The following EEIG2 variants were observed in gnomAD, a reference collection of about 807,000 sequenced individuals.
EEIG2 encodes family with sequence similarity 102 member B.
the EEIG2 span, among the ~76,000 whole-genome samples, chr1:108,602,825 G>A: frequency 1.3e-5 from 2 of 151,900 alleles, no homozygotes; most frequent in Non-Finnish European, 2.9e-5. Context: ...AGTGAGCCAT[G>A]ATCATGCCAC....
chr1:108,579,243 A>T, the EEIG2 span, among the ~76,000 whole-genome samples: 4 of 51,618 alleles, frequency 7.7e-5, no homozygotes, highest in East Asian at 1.7e-3. Flanking sequence ...GGATGGAGGA[A>T]GATCTACCAA....
chr1:108,606,382 G>A, the EEIG2 span: 1 of 487,886 alleles, frequency 2.0e-6, no homozygotes, highest in Non-Finnish European at 3.6e-6. Flanking sequence ...GCAACTTGGA[G>A]ATTGAACAGT....
chr1:108,572,617 A>G, the EEIG2 span, among the ~76,000 whole-genome samples: 1 of 151,516 alleles, frequency 6.6e-6, no homozygotes, highest in Admixed American at 6.6e-5. Flanking sequence ...GATTTATTTT[A>G]TTTTATTTTA....
At chr1:108,629,085 C>T in the EEIG2 span, among the ~76,000 whole-genome samples, 1 of 152,264 alleles carries the variant, frequency 6.6e-6, no homozygotes, top group Non-Finnish European at 1.5e-5. Context: ...CGTTCGTATA[C>T]CTAATGATAG....
the EEIG2 span, chr1:108,627,997 C>T: frequency 1.7e-6 from 1 of 583,004 alleles, no homozygotes; most frequent in Non-Finnish European, 3.1e-6. Flanking sequence ...CTTTGTATAT[C>T]TTGCAATACA....
chr1:108,606,221 A>G, the EEIG2 span: 1 of 1,556,596 alleles, frequency 6.4e-7, no homozygotes, highest in Non-Finnish European at 8.8e-7. Flanking sequence ...TGTCTTTGGC[A>G]GGAATTAAAA....
At chr1:108,570,740 G>A in the EEIG2 span, among the ~76,000 whole-genome samples, 1 of 152,186 alleles carries the variant, frequency 6.6e-6, no homozygotes, top group African/African-American at 2.4e-5. Flanking sequence ...ATGTGGAAAG[G>A]CAGTTGGGAG....
chr1:108,578,386 A>G, the EEIG2 span, among the ~76,000 whole-genome samples: 1 of 120,042 alleles, frequency 8.3e-6, no homozygotes, highest in African/African-American at 3.3e-5. Context: ...CCAGTTTTCA[A>G]AGGGAATGCT....
chr1:108,565,656 T>G, the EEIG2 span, among the ~76,000 whole-genome samples: 2 of 152,332 alleles, frequency 1.3e-5, no homozygotes, highest in South Asian at 4.1e-4. Flanking sequence ...TTTTCTAAGT[T>G]TCACATGAGG....
the EEIG2 span, among the ~76,000 whole-genome samples, chr1:108,582,646 T>C: frequency 1.9e-5 from 2 of 107,440 alleles, no homozygotes; most frequent in African/African-American, 7.1e-5. Context: ...ATGGTTTGGA[T>C]AGAAGACTTA....
At chr1:108,600,609 TC>T in the EEIG2 span, 1 of 1,612,312 alleles carries the variant, frequency 6.2e-7, no homozygotes, top group Non-Finnish European at 8.5e-7. Context: ...AAAGAAGTTC[TC>T]ATTTATGTGC....
At chr1:108,628,527 CT>C in the EEIG2 span, 1 of 1,614,058 alleles carries the variant, frequency 6.2e-7, no homozygotes, top group Non-Finnish European at 8.5e-7. Flanking sequence ...CAGAAAATCG[CT>C]GAGCCAAATC....
chr1:108,630,008 C>T, the EEIG2 span, among the ~76,000 whole-genome samples: 3 of 152,148 alleles, frequency 2.0e-5, no homozygotes, highest in African/African-American at 7.2e-5. Flanking sequence ...TTTCTAGAGA[C>T]AGGGCTGTTG....
chr1:108,594,959 T>C, the EEIG2 span, among the ~76,000 whole-genome samples: 1 of 152,172 alleles, frequency 6.6e-6, no homozygotes, highest in Non-Finnish European at 1.5e-5. Context: ...ATATTTCTGC[T>C]AATATTTCTT....
At chr1:108,586,393 G>A in the EEIG2 span, among the ~76,000 whole-genome samples, 1 of 151,010 alleles carries the variant, frequency 6.6e-6, no homozygotes, top group African/African-American at 2.4e-5. Context: ...AAGCATTTTA[G>A]ATCCAGACAA....
At chr1:108,624,609 C>T in the EEIG2 span, 1 of 1,583,598 alleles carries the variant, frequency 6.3e-7, no homozygotes, top group Non-Finnish European at 8.7e-7. Context: ...CTTTGAGGCT[C>T]CCCCACAACT....
chr1:108,582,399 A>G, the EEIG2 span, among the ~76,000 whole-genome samples: 37 of 152,070 alleles, frequency 2.4e-4, no homozygotes, highest in Non-Finnish European at 4.7e-4. Flanking sequence ...TGTTTATTCT[A>G]TTATCTACAC....
At chr1:108,602,711 C>T in the EEIG2 span, among the ~76,000 whole-genome samples, 2 of 151,990 alleles carry the variant, frequency 1.3e-5, no homozygotes, top group East Asian at 3.9e-4. Flanking sequence ...GAAACCCCAT[C>T]TCCATAAAAA....
the EEIG2 span, among the ~76,000 whole-genome samples, chr1:108,591,338 AT>A: frequency 6.6e-6 from 1 of 152,218 alleles, no homozygotes; most frequent in East Asian, 1.9e-4. Flanking sequence ...CACAAAAAAA[AT>A]CTGAGTAATT....
Sources: gnomAD v4.1 joint callset for allele counts (sites outside exome capture counted in the v4.1 genomes callset) on GRCh38, gnomAD v4.1.1 for gene constraint, MANE v1.5 for transcripts, NCBI Gene and HGNC (gene_info 2026-07-23, HGNC 2026-07-21) for gene names.